Variants in FGF14 observed in about 807,000 individuals in gnomAD.
FGF14 encodes the protein fibroblast growth factor 14, also known as fibroblast growth factor homologous factor 4.
A neutral mutation model predicts 25.5 loss-of-function variants in FGF14; 5 were observed. The observed-to-expected ratio is 0.20, with a 90% confidence interval of 0.10 to 0.41. The LOEUF is 0.41. FGF14 is among the 10% of genes least tolerant of loss of function. The pLI, the probability that FGF14 is intolerant of heterozygous loss-of-function variation, is 1.00. For missense variants in FGF14, 222 were observed against 320.1 expected (o/e 0.69, Z 2.34); for synonymous variants, 138 against 118.3 (o/e 1.17, Z -1.08).
At chr13:101,764,977 GTC>G (rs1316506523) in intron 3 of FGF14, among the ~76,000 whole-genome samples, 2 of 152,118 alleles carry the variant, frequency 1.3e-5, no homozygotes, top group Non-Finnish European at 2.9e-5. Flanking sequence ...CCCATCTAGA[GTC>G]TCTATGTGTT....
intron 1 of FGF14, among the ~76,000 whole-genome samples, chr13:102,049,799 A>G (rs987410162): frequency 5.3e-5 from 8 of 152,238 alleles, no homozygotes; most frequent in African/African-American, 1.7e-4. Context: ...ATGAAGGAAG[A>G]GACTGGAGAG....
At chr13:102,279,282 GT>G (rs2053709051) in intron 1 of FGF14, among the ~76,000 whole-genome samples, 1 of 152,074 alleles carries the variant, frequency 6.6e-6, no homozygotes, top group Non-Finnish European at 1.5e-5. Context: ...ATGGAAACAT[GT>G]TTTATGGAAA....
chr13:101,986,672 A>T (rs1185916637), intron 1 of FGF14, among the ~76,000 whole-genome samples: 1 of 152,150 alleles, frequency 6.6e-6, no homozygotes, highest in African/African-American at 2.4e-5. Flanking sequence ...AGCAAGTAGC[A>T]TCTTTGAGAT....
At chr13:101,906,310 T>C (rs899230543) in intron 1 of FGF14, among the ~76,000 whole-genome samples, 2 of 152,190 alleles carry the variant, frequency 1.3e-5, no homozygotes. Flanking sequence ...TGGTGGCATT[T>C]ACTTATGCAG....
At chr13:102,276,032 C>T (rs890859173) in intron 1 of FGF14, among the ~76,000 whole-genome samples, 1 of 151,912 alleles carries the variant, frequency 6.6e-6, no homozygotes, top group African/African-American at 2.4e-5. Context: ...TGGAATTTTA[C>T]TTTTAGGAAG....
upstream of FGF14, among the ~76,000 whole-genome samples, chr13:101,919,314 CAGTG>C (rs746492928): frequency 3.0e-4 from 46 of 150,842 alleles, no homozygotes; most frequent in South Asian, 6.3e-4. Context: ...AGGCTTCTTG[CAGTG>C]AGTGTTTCAA....
At position 102,055,117 on chromosome 13, in the gene FGF14, T is replaced by A. The variant is rs138295275; in HGVS notation, c.209-179821A>T. Among the ~76,000 whole-genome samples the A allele has an allele frequency of 3.7e-3, 561 of 152,378 alleles. 3 individuals are homozygous for A. Among genetic ancestry groups the A allele is most frequent in the Non-Finnish European group, 6.1e-3 (418 of 68,034 alleles). On this transcript the variant is annotated intron_variant, in intron 1 of 4. Transcript: ENST00000376131. ...CCAGTTCCTTAATTGTTTCTCACAGTTCAATGCCCCATTTGTAGCATACAA... is the reference window on the plus strand; with the variant it reads ...CCAGTTCCTTAATTGTTTCTCACAGATCAATGCCCCATTTGTAGCATACAA...
intron 3 of FGF14, among the ~76,000 whole-genome samples, chr13:101,779,803 A>G (rs997746463): frequency 6.6e-5 from 10 of 152,226 alleles, no homozygotes; most frequent in Non-Finnish European, 1.3e-4. Context: ...TATTATATTT[A>G]CAAAAGGAAC....
At chr13:101,920,446 C>A (rs1199877652), upstream of FGF14, among the ~76,000 whole-genome samples, 1 of 152,144 alleles carries the variant, frequency 6.6e-6, no homozygotes, top group Admixed American at 6.5e-5. Flanking sequence ...ATTTCTTCAT[C>A]TCTCAAATTG....
intron 3 of FGF14, among the ~76,000 whole-genome samples, chr13:101,817,420 T>C (rs1416290849): frequency 6.6e-6 from 1 of 152,220 alleles, no homozygotes. Context: ...TGATTACTTT[T>C]TTGAGACTTA....
intron 3 of FGF14, among the ~76,000 whole-genome samples, chr13:101,807,414 G>A (rs1239416143): frequency 6.6e-6 from 1 of 152,038 alleles, no homozygotes; most frequent in Non-Finnish European, 1.5e-5. Flanking sequence ...GGAATTGGAT[G>A]AAGACTACTC....
At chr13:101,942,254 C>T (rs2035500020) in intron 1 of FGF14, among the ~76,000 whole-genome samples, 2 of 152,108 alleles carry the variant, frequency 1.3e-5, no homozygotes, top group East Asian at 3.9e-4. Flanking sequence ...CTCTAGTTAT[C>T]ACCATCGAGT....
At chr13:102,036,581 A>G (rs1224930746) in intron 1 of FGF14, among the ~76,000 whole-genome samples, 2 of 152,134 alleles carry the variant, frequency 1.3e-5, no homozygotes, top group Admixed American at 6.6e-5. Context: ...ATGCTATACC[A>G]TAAGTTACGG....
intron 1 of FGF14, among the ~76,000 whole-genome samples, chr13:102,242,624 T>G (rs375973656): frequency 5.7e-4 from 87 of 152,232 alleles, no homozygotes; most frequent in African/African-American, 2.0e-3. Context: ...ATCAGAGCCC[T>G]CATGCCCTAA....
chr13:102,269,428 T>C (rs189733667), intron 1 of FGF14, among the ~76,000 whole-genome samples: 6 of 152,358 alleles, frequency 3.9e-5, no homozygotes, highest in African/African-American at 1.4e-4. Flanking sequence ...TCATCTCTTA[T>C]AAAAACAGTA....
At chr13:102,367,335 T>A (rs555858386) in intron 1 of FGF14, 2 of 152,224 alleles carry the variant, frequency 1.3e-5, no homozygotes, top group African/African-American at 4.8e-5. Flanking sequence ...CCTTGCCATA[T>A]GGGAGCTCCC....
intron 1 of FGF14, among the ~76,000 whole-genome samples, chr13:102,014,500 C>T (rs1247636408): frequency 6.6e-6 from 1 of 152,056 alleles, no homozygotes; most frequent in Non-Finnish European, 1.5e-5. Context: ...TGACTTGGAT[C>T]CCAGGTAAAC....
chr13:101,941,495 G>A (rs2035448255), intron 1 of FGF14, among the ~76,000 whole-genome samples: 1 of 152,142 alleles, frequency 6.6e-6, no homozygotes, highest in Non-Finnish European at 1.5e-5. Flanking sequence ...AAATTTCAAG[G>A]AGAAATTTTA....
At chr13:102,021,814 C>A (rs1595021271) in intron 1 of FGF14, among the ~76,000 whole-genome samples, 1 of 151,992 alleles carries the variant, frequency 6.6e-6, no homozygotes, top group African/African-American at 2.4e-5. Flanking sequence ...GCAGCCTATT[C>A]TTTTTAGATC....
Sources: gnomAD v4.1 joint callset for allele counts (sites outside exome capture counted in the v4.1 genomes callset) on GRCh38, gnomAD v4.1.1 for gene constraint, MANE v1.5 for transcripts, NCBI Gene and HGNC (gene_info 2026-07-23, HGNC 2026-07-21) for gene names.